Variants in IAH1 observed in about 807,000 individuals in gnomAD.
The protein encoded by IAH1 is isoamyl acetate hydrolyzing esterase 1 (putative).
IAH1 carries 24 observed loss-of-function variants against 26.7 expected under a neutral mutation model. That is an observed-to-expected ratio of 0.90 (90% confidence interval 0.65 to 1.26). The LOEUF is 1.26. IAH1 is among the 50% of genes most tolerant of loss of function. The probability of loss-of-function intolerance (pLI) is 0.00; values close to 1 mark genes in which losing one functional copy is unlikely to be tolerated. For synonymous variants in IAH1, 140 were observed against 118.5 expected, an observed-to-expected ratio of 1.18 and a Z score of -1.18; for missense variants, 300 against 299.9, an observed-to-expected ratio of 1.00 and a Z score of 0.00.
downstream of IAH1, chr2:9,490,661 A>G (rs1321625187): frequency 1.4e-5 from 12 of 835,412 alleles, no homozygotes; most frequent in Admixed American, 2.9e-4. Context: ...GGCTCACTCA[A>G]CCTAAGTGAC....
intron 2 of IAH1, among the ~76,000 whole-genome samples, chr2:9,477,554 C>A (rs542651618): frequency 6.6e-6 from 1 of 152,028 alleles, no homozygotes; most frequent in Non-Finnish European, 1.5e-5. Context: ...CTGCCTGATG[C>A]GAATCCTTAA....
the IAH1 span, among the ~76,000 whole-genome samples, chr2:9,506,386 T>TTTA: frequency 4.9e-5 from 7 of 144,326 alleles, no homozygotes; most frequent in African/African-American, 1.9e-4. Context: ...TTTTTTTTTT[T>TTTA]AGATGGAGTC....
chr2:9,499,604 G>A (rs574867368), downstream of IAH1, among the ~76,000 whole-genome samples: 120 of 152,164 alleles, frequency 7.9e-4, no homozygotes, highest in African/African-American at 2.8e-3. Context: ...GGGTTTCACC[G>A]TGTTAGCCAG....
chr2:9,474,611 G>C lies in IAH1; in HGVS notation c.45G>C (p.Trp15Cys). 6.4e-7 allele frequency: 1 copy of C among 1,552,822 alleles called. No individual in the cohort carries two copies. Among genetic ancestry groups the C allele is most frequent in the Non-Finnish European group, 8.7e-7 (1 of 1,153,554 alleles). ...EAAGCGSALLWPRLLLFGDSI... is the reference protein window; with the variant it reads ...EAAGCGSALLCPRLLLFGDSI... Reference sequence around the variant, plus strand: ...CGGGCTGCGGGAGTGCCCTGCTCTGGCCTCGCTTGTTGCTCTTCGGGGACT... The same window carrying C: ...CGGGCTGCGGGAGTGCCCTGCTCTGCCCTCGCTTGTTGCTCTTCGGGGACT... Residue 15 changes from tryptophan to cysteine, a missense_variant, in exon 1 of 6, where the codon TGG (tryptophan) becomes TGC (cysteine). Physicochemically the swap from Trp to Cys is radical, Grantham distance 215. Transcript: ENST00000497473. This position sits in a 1 kb window ranked among gnomAD's most constrained non-coding sequence, Gnocchi z 4.3.
At chr2:9,507,266 G>A in the IAH1 span, among the ~76,000 whole-genome samples, 1 of 152,288 alleles carries the variant, frequency 6.6e-6, no homozygotes, top group East Asian at 1.9e-4. Context: ...GAGGCAGGTG[G>A]ATCACCTGAG....
At chr2:9,494,552 T>C (rs1366561934), downstream of IAH1, 2 of 1,513,958 alleles carry the variant, frequency 1.3e-6, no homozygotes, top group Non-Finnish European at 1.8e-6. Flanking sequence ...GTGTTTTGAT[T>C]TGTTTTCATC....
chr2:9,478,394 C>G (rs1660953353), intron 3 of IAH1, 24 bp downstream of exon 3: 1 of 1,561,652 alleles, frequency 6.4e-7, no homozygotes, highest in Non-Finnish European at 8.7e-7. Flanking sequence ...TGATGTTCTT[C>G]TAGCTCACTT....
intron 3 of IAH1, 41 bp downstream of exon 3, chr2:9,478,411 A>AT: frequency 6.6e-7 from 1 of 1,520,156 alleles, no homozygotes; most frequent in South Asian, 1.3e-5. Context: ...ACTTTTAATC[A>AT]TTTTTATGTT....
downstream of IAH1, chr2:9,493,963 A>G: frequency 3.1e-6 from 2 of 637,900 alleles, no homozygotes; most frequent in South Asian, 2.1e-5. Context: ...CAAGGCAATA[A>G]CTTCCGCGTA....
downstream of IAH1, among the ~76,000 whole-genome samples, chr2:9,500,149 G>A (rs1051118817): frequency 6.6e-6 from 1 of 152,150 alleles, no homozygotes; most frequent in Non-Finnish European, 1.5e-5. Context: ...CAACCCAAAT[G>A]TCTATCAACC....
the IAH1 span, chr2:9,505,478 C>A: frequency 8.9e-7 from 1 of 1,125,712 alleles, no homozygotes. Flanking sequence ...ACCATCAGAG[C>A]CACCCTGGAG....
At chr2:9,512,039 T>C in the IAH1 span, among the ~76,000 whole-genome samples, 2 of 151,820 alleles carry the variant, frequency 1.3e-5, no homozygotes, top group East Asian at 3.9e-4. Context: ...TGAGTTCTTT[T>C]TTCCTAAGGG....
At chr2:9,481,895 C>T (rs1661196487) in intron 4 of IAH1, among the ~76,000 whole-genome samples, 1 of 152,174 alleles carries the variant, frequency 6.6e-6, no homozygotes, top group African/African-American at 2.4e-5. Context: ...TTGGGTTTCA[C>T]ATCCCTCAAG....
chr2:9,474,774 G>A lies in IAH1; in HGVS notation c.81+127G>A. 2 of 698,318 alleles carry A rather than the reference G, an allele frequency of 2.9e-6. No homozygotes were observed. Among genetic ancestry groups the A allele is most frequent in the Non-Finnish European group, 4.3e-6 (2 of 466,672 alleles). The allele number at this position is 698,318 out of a possible 1,614,324, so 43.3% of individuals were successfully genotyped here. On this transcript the variant is annotated intron_variant, in intron 1 of 5. Coordinates refer to ENST00000497473, the MANE Select transcript of IAH1 (RefSeq NM_001039613.3). This position sits in a 1 kb window ranked among gnomAD's most constrained non-coding sequence, Gnocchi z 4.3. ...CTGGGCCGGAGGCCTGGCCACGCCC[G>A]TGGAGACACCGGAGGAGTGGCGGGT...
chr2:9,493,946 T>C (rs1662358911), downstream of IAH1: 9 of 753,966 alleles, frequency 1.2e-5, 1 homozygote, highest in South Asian at 1.8e-4. Flanking sequence ...TTTTCCCATC[T>C]TTGACACAAG....
At chr2:9,483,809 G>GT (rs1661322173) in intron 4 of IAH1, among the ~76,000 whole-genome samples, 1 of 152,154 alleles carries the variant, frequency 6.6e-6, no homozygotes, top group Non-Finnish European at 1.5e-5. Flanking sequence ...TGCTTTGCTG[G>GT]TGTTTAGTCT....
chr2:9,502,405 T>C, the IAH1 span: 4 of 727,760 alleles, frequency 5.5e-6, no homozygotes. Context: ...CACCCACTCC[T>C]ACATCATCAG....
At chr2:9,484,305 G>C in intron 4 of IAH1, 127 bp from the exon 5 acceptor site, 1 of 749,922 alleles carries the variant, frequency 1.3e-6, no homozygotes, top group Non-Finnish European at 2.4e-6. Flanking sequence ...CCTAAACCCC[G>C]GGGCTGGCCC....
chr2:9,484,709 G>C (rs1373826585), intron 5 of IAH1, 159 bp downstream of exon 5: 3 of 587,580 alleles, frequency 5.1e-6, no homozygotes, highest in African/African-American at 1.9e-5. Context: ...GAGGAATGGA[G>C]GTTCCAGGAT....
Sources: gnomAD v4.1 joint callset for allele counts (sites outside exome capture counted in the v4.1 genomes callset) on GRCh38, gnomAD v4.1.1 for gene constraint, Gnocchi (gnomAD v3.1) non-coding constraint, MANE v1.5 for transcripts, NCBI Gene and HGNC (gene_info 2026-07-23, HGNC 2026-07-21) for gene names.